NAV1: variants seen among roughly 807,000 people sequenced by gnomAD.
NAV1 encodes the protein pore membrane and/or filament interacting like protein 3.
A neutral mutation model predicts 175.2 loss-of-function variants in NAV1; 18 were observed. That is an observed-to-expected ratio of 0.10 (90% CI 0.07 to 0.15). NAV1 has a LOEUF of 0.15. Ranked by LOEUF, NAV1 falls within the 10% of genes least tolerant of loss-of-function variation. The pLI is 1.00. For missense variants in NAV1, 1,731 were observed against 2,436.6 expected, an observed-to-expected ratio of 0.71 and a Z score of 6.10; for synonymous variants, 897 against 978.7, an observed-to-expected ratio of 0.92 and a Z score of 1.56.
intron 1 of NAV1, among the ~76,000 whole-genome samples, chr1:201,699,588 TA>T (rs1671327234): frequency 6.6e-6 from 1 of 152,230 alleles, no homozygotes; most frequent in East Asian, 1.9e-4. Flanking sequence ...TGGAAAAAAC[TA>T]CTTTAAAGTT....
At position 201,615,243 on chromosome 1, in the gene NAV1, A is replaced by ATTTC. The variant is rs754631805; in HGVS notation, c.-32-7586_-32-7583dup. ...TGTTCTCCTTAACATAATTTCTGCC[A>ATTTC]TTTCTTTCTTTCTTTCTTTCTTTCT... On this transcript the variant is annotated intron_variant, in intron 2 of 33. Coordinates refer to the NAV1 transcript ENST00000685211. Among the ~76,000 whole-genome samples, 591 of 148,410 alleles carry ATTTC rather than the reference A, an allele frequency of 4.0e-3. 8 individuals are homozygous for ATTTC. Among genetic ancestry groups the ATTTC allele is most frequent in the South Asian group, 0.018 (87 of 4,730 alleles).
intron 7 of NAV1, among the ~76,000 whole-genome samples, chr1:201,784,458 G>A (rs1434891165): frequency 1.3e-5 from 2 of 152,008 alleles, no homozygotes; most frequent in South Asian, 2.1e-4. Flanking sequence ...ACACCTGGCT[G>A]CCCAGAATCT....
chr1:201,597,309 C>A (rs557474200), intron 2 of NAV1, among the ~76,000 whole-genome samples: 9 of 152,210 alleles, frequency 5.9e-5, no homozygotes. Context: ...GGCTTCCCAG[C>A]CTTCACCCAG....
intron 1 of NAV1, among the ~76,000 whole-genome samples, chr1:201,671,853 C>A (rs1670055844): frequency 6.6e-6 from 1 of 152,160 alleles, no homozygotes; most frequent in Non-Finnish European, 1.5e-5. Context: ...TAATGTCAGG[C>A]TGTCTCGAGG....
At chr1:201,624,445 G>A (rs1167649575) in intron 1 of NAV1, among the ~76,000 whole-genome samples, 6 of 139,382 alleles carry the variant, frequency 4.3e-5, no homozygotes, top group African/African-American at 1.4e-4. Flanking sequence ...CCAGGTTCAC[G>A]CCATTCTCCT....
At chr1:201,655,052 C>T (rs1375227250) in intron 1 of NAV1, among the ~76,000 whole-genome samples, 1 of 152,108 alleles carries the variant, frequency 6.6e-6, no homozygotes, top group South Asian at 2.1e-4. Context: ...CTGCTTTTGC[C>T]TCTTCCTTCC....
intron 3 of NAV1, among the ~76,000 whole-genome samples, chr1:201,754,926 G>T (rs1047473629): frequency 3.3e-5 from 5 of 152,130 alleles, no homozygotes; most frequent in African/African-American, 1.2e-4. Context: ...ATGGAATTAT[G>T]CTACAATGTT....
At chr1:201,712,973 C>A in intron 2 of NAV1, 54 bp downstream of exon 6, 1 of 1,419,430 alleles carries the variant, frequency 7.0e-7, no homozygotes, top group Non-Finnish European at 1.0e-6. Context: ...GCTCTCCACC[C>A]CATTCTGGAG....
intron 2 of NAV1, among the ~76,000 whole-genome samples, chr1:201,630,655 A>G (rs1446269116): frequency 2.0e-5 from 3 of 152,182 alleles, no homozygotes; most frequent in Non-Finnish European, 4.4e-5. Context: ...GAGGAGGGTT[A>G]TGGGTTAAGG....
intron 17 of NAV1, among the ~76,000 whole-genome samples, chr1:201,804,829 T>C (rs1678175544): frequency 1.3e-5 from 2 of 152,152 alleles, no homozygotes; most frequent in Admixed American, 1.3e-4. Context: ...ATCCAGAAAA[T>C]GAACCTTCTT....
intron 2 of NAV1, among the ~76,000 whole-genome samples, chr1:201,642,814 G>C (rs1668840887): frequency 6.7e-6 from 1 of 148,232 alleles, no homozygotes; most frequent in South Asian, 2.2e-4. Flanking sequence ...CTGTCGCCCA[G>C]GCTGGAGTGC....
chr1:201,606,320 G>T (rs1019745677), intron 2 of NAV1, among the ~76,000 whole-genome samples: 2 of 152,302 alleles, frequency 1.3e-5, no homozygotes, highest in Non-Finnish European at 2.9e-5. Context: ...TGTCTTTATT[G>T]TTCAAGGTAG....
At chr1:201,686,092 G>A (rs1224767965) in intron 1 of NAV1, among the ~76,000 whole-genome samples, 2 of 152,206 alleles carry the variant, frequency 1.3e-5, no homozygotes, top group Non-Finnish European at 2.9e-5. Context: ...AGAAGAGGCT[G>A]TGGAGAGATG....
At chr1:201,631,465 G>T (rs1478201965) in intron 2 of NAV1, among the ~76,000 whole-genome samples, 34 of 152,254 alleles carry the variant, frequency 2.2e-4, no homozygotes, top group Admixed American at 2.2e-3. Context: ...GTGAGTGTTT[G>T]CCTTGTGCTG....
chr1:201,684,475 C>A (rs1423063181), intron 1 of NAV1, among the ~76,000 whole-genome samples: 2 of 127,874 alleles, frequency 1.6e-5, no homozygotes, highest in East Asian at 4.5e-4. Context: ...TTTATGCAGC[C>A]TTTTTTTTTT....
In NAV1 at chr1:201,787,992, C is replaced by G. The variant is rs535284817; in HGVS notation, c.2996-476C>G. Among the ~76,000 whole-genome samples the G allele has an allele frequency of 1.3e-4, 20 of 152,190 alleles. No individual in the cohort carries two copies. The highest frequency in any genetic ancestry group is 4.4e-5 in the Non-Finnish European group (3 of 68,026). ...ACGCCCTTCCACAATGCCAGGGCAACGGGATCCCGTAGCCCAGCCCCCTTC... is the reference window on the plus strand; with the variant it reads ...ACGCCCTTCCACAATGCCAGGGCAAGGGGATCCCGTAGCCCAGCCCCCTTC... On this transcript the variant is annotated intron_variant, in intron 9 of 29. Transcript: ENST00000367296. This position sits in a 1 kb window ranked among gnomAD's most constrained non-coding sequence, Gnocchi z 4.3.
At chr1:201,629,500 C>T in exon 2 of NAV1, 2 of 1,303,736 alleles carry the variant, frequency 1.5e-6, no homozygotes, top group Non-Finnish European at 2.0e-6. Flanking sequence ...AGAGCTTCTC[C>T]TGCATGGGTA....
intron 1 of NAV1, among the ~76,000 whole-genome samples, chr1:201,577,040 G>C (rs1333860564): frequency 6.6e-6 from 1 of 152,090 alleles, no homozygotes; most frequent in Non-Finnish European, 1.5e-5. Context: ...ATCTAGGCTG[G>C]AGTGCAGTGG....
chr1:201,780,505 A>G (rs1373373582), exon 4 of NAV1: 1 of 1,614,122 alleles, frequency 6.2e-7, no homozygotes, highest in Non-Finnish European at 8.5e-7. Context: ...CCAGCTCCTC[A>G]CTCAACTCCC....
Sources: allele counts gnomAD v4.1 joint callset (sites outside exome capture counted in the v4.1 genomes callset), GRCh38; gene constraint gnomAD v4.1.1; non-coding constraint Gnocchi (gnomAD v3.1); transcripts MANE v1.5; gene names NCBI Gene and HGNC (gene_info 2026-07-23, HGNC 2026-07-21).